ACAD9: variants seen among roughly 807,000 people sequenced by gnomAD.
The protein encoded by ACAD9 is acyl-CoA dehydrogenase family member 9.
In ACAD9, 53 loss-of-function variants were observed where a neutral mutation model predicts 70.2. That is an observed-to-expected ratio of 0.75 (90% CI 0.61 to 0.95). The LOEUF (loss-of-function observed/expected upper bound fraction) is 0.95. Among genes scored for constraint, ACAD9 ranks in the 40% least tolerant of loss-of-function variants. The probability of loss-of-function intolerance (pLI) is 0.00; values close to 1 mark genes in which losing one functional copy is unlikely to be tolerated. For synonymous variants in ACAD9, 313 were observed against 312.1 expected (o/e 1.00, Z -0.03); for missense variants, 777 against 802.8 (o/e 0.97, Z 0.39).
chr3:128,912,612 G>C lies in ACAD9; in HGVS notation c.*5G>C, dbSNP rs1936463556. The stretch of plus-strand genomic sequence containing the variant: ...CCTCTGGACAGGACATGCTGAGGCA[G>C]GGGACAGTGTCCCCTGCTACCGCCC... On this transcript the variant is annotated 3_prime_UTR_variant, in exon 18 of 18. Coordinates refer to ENST00000308982, the MANE Select transcript of ACAD9 (RefSeq NM_014049.5). The C allele has an allele frequency of 6.2e-7, 1 of 1,613,226 alleles. No homozygotes were observed. The highest frequency in any genetic ancestry group is 1.3e-5 in the African/African-American group (1 of 75,026).
At chr3:128,899,567 G>GTGTGT in intron 7 of ACAD9, 106 bp downstream of exon 7, 22 of 986,080 alleles carry the variant, frequency 2.2e-5, no homozygotes, top group South Asian at 5.7e-5. Flanking sequence ...TGTGTGTAAG[G>GTGTGT]GGGAGACTGG....
chr3:128,904,942 C>T (rs61096019), intron 11 of ACAD9, among the ~76,000 whole-genome samples: 20,603 of 151,962 alleles, frequency 0.14, 2,167 homozygotes, highest in African/African-American at 0.29. Context: ...GTCTGGAGTT[C>T]GAGACCAGCC....
intron 12 of ACAD9, among the ~76,000 whole-genome samples, chr3:128,907,961 G>C (rs1935942096): frequency 6.6e-6 from 1 of 152,208 alleles, no homozygotes; most frequent in Admixed American, 6.5e-5. Context: ...GTCACGGAGA[G>C]GTGGGGGGGT....
chr3:128,894,529 C>G (rs999452718), intron 3 of ACAD9, among the ~76,000 whole-genome samples: 2 of 148,660 alleles, frequency 1.3e-5, no homozygotes, highest in African/African-American at 4.9e-5. Context: ...CACAAGATTG[C>G]GAGCTTTTTT....
intron 16 of ACAD9, chr3:128,910,362 G>T: frequency 6.8e-7 from 1 of 1,462,912 alleles, no homozygotes; most frequent in Non-Finnish European, 9.0e-7. Context: ...AGTGACAGGG[G>T]TTCCTGATCC....
chr3:128,907,996 G>C (rs1185911987), intron 12 of ACAD9, among the ~76,000 whole-genome samples, 189 bp from the exon 13 acceptor site: 1 of 152,196 alleles, frequency 6.6e-6, no homozygotes. Flanking sequence ...ATGGCCATCT[G>C]GTCACCTCCC....
At chr3:128,893,721 A>G in intron 3 of ACAD9, 65 bp downstream of exon 3, 1 of 1,386,846 alleles carries the variant, frequency 7.2e-7, no homozygotes, top group Non-Finnish European at 1.0e-6. Context: ...ATTTGTCCAT[A>G]ACAGGTCTAG....
intron 1 of ACAD9, among the ~76,000 whole-genome samples, chr3:128,880,295 C>G (rs1163697725): frequency 3.9e-5 from 6 of 152,182 alleles, no homozygotes; most frequent in Admixed American, 3.9e-4. Flanking sequence ...AATCTGGCTC[C>G]AAGATGCTTC....
At chr3:128,880,927 T>G (rs1161692678) in intron 1 of ACAD9, among the ~76,000 whole-genome samples, 1 of 152,250 alleles carries the variant, frequency 6.6e-6, no homozygotes, top group African/African-American at 2.4e-5. Context: ...TCTTGCTCTT[T>G]CCTTTGTATT....
At chr3:128,911,794 T>G (rs1936359058) in intron 17 of ACAD9, among the ~76,000 whole-genome samples, 1 of 152,240 alleles carries the variant, frequency 6.6e-6, no homozygotes, top group Non-Finnish European at 1.5e-5. Flanking sequence ...GAGGAGCATC[T>G]GGTTGTACCT....
chr3:128,909,036 C>T lies in ACAD9; in HGVS notation c.1422C>T (p.Ser474=). The change falls in exon 14 of 18, where the codon TCC becomes TCT. Residue 474 remains serine (S), a synonymous_variant. Coordinates refer to ENST00000308982, the MANE Select transcript of ACAD9 (RefSeq NM_014049.5). Reference sequence around the variant, plus strand: ...CCGTTGGCCGGAGGCTTCGGGACTCCCTGGGCCGAACTGTGGACCTGGGGC... The same window carrying T: ...CCGTTGGCCGGAGGCTTCGGGACTCTCTGGGCCGAACTGTGGACCTGGGGC... ...MDTVGRRLRD[S]LGRTVDLGLT... is the part of the protein sequence containing the mutation. The T allele has an allele frequency of 1.2e-6, 2 of 1,614,140 alleles. No homozygotes were observed. The highest frequency in any genetic ancestry group is 1.7e-6 in the Non-Finnish European group (2 of 1,180,018).
chr3:128,887,666 T>TATATATGC (rs972436183), intron 2 of ACAD9, among the ~76,000 whole-genome samples: 5 of 139,884 alleles, frequency 3.6e-5, no homozygotes, highest in Non-Finnish European at 7.8e-5. Flanking sequence ...TATATATATA[T>TATATATGC]ATGCAAGAAA....
chr3:128,890,499 G>C (rs983278276), intron 2 of ACAD9, among the ~76,000 whole-genome samples: 11 of 151,800 alleles, frequency 7.2e-5, no homozygotes, highest in African/African-American at 2.7e-4. Flanking sequence ...TCAGGAGATC[G>C]ACACCATCCT....
intron 16 of ACAD9, 54 bp from the exon 17 acceptor site, chr3:128,910,687 A>C: frequency 6.2e-7 from 1 of 1,601,268 alleles, no homozygotes; most frequent in Non-Finnish European, 8.6e-7. Flanking sequence ...TTTGAAGCTC[A>C]GAGGTCTGAT....
At chr3:128,901,883 G>T (rs73862591) in intron 8 of ACAD9, among the ~76,000 whole-genome samples, 2,051 of 152,100 alleles carry the variant, frequency 0.013, 47 homozygotes, top group African/African-American at 0.047. Context: ...CCCATCCCTT[G>T]GCTGCTACTC....
rs769285333 is a variant in ACAD9 at position 128,896,428 on chromosome 3, T to G, written c.454-8T>G. 5.1e-5 allele frequency: 83 copies of G among 1,613,926 alleles called. No homozygotes were observed. The highest frequency in any genetic ancestry group is 6.9e-5 in the Non-Finnish European group (81 of 1,179,882). The stretch of plus-strand genomic sequence containing the variant: ...CAGCTGACATTAGTCTGTGTCTGTT[T>G]TGTTTAGGGGATCATCTTGGCTGGC... On this transcript the variant is annotated splice_polypyrimidine_tract_variant and splice_region_variant and intron_variant, in intron 4 of 17. Transcript: ENST00000308982.
At chr3:128,886,658 A>T (rs1935258193) in intron 2 of ACAD9, among the ~76,000 whole-genome samples, 1 of 120,952 alleles carries the variant, frequency 8.3e-6, no homozygotes, top group Non-Finnish European at 1.6e-5. Flanking sequence ...CGGTGAGCCG[A>T]GATCGCGCCA....
In ACAD9 at chr3:128,884,763, T is replaced by C; in HGVS notation, c.244+17T>C. 1 of 1,577,206 alleles carries C rather than the reference T, an allele frequency of 6.3e-7. No homozygotes were observed. Among genetic ancestry groups the C allele is most frequent in the Non-Finnish European group, 8.7e-7 (1 of 1,146,938 alleles). On this transcript the variant is annotated intron_variant, in intron 2 of 17. Transcript: ENST00000308982. ...CTGAAGAGGGTATGTATGGTTTTCT[T>C]TACCATTGCCGATTTCCATTGTAAG...
chr3:128,880,685 C>G (rs1935064702), intron 1 of ACAD9, among the ~76,000 whole-genome samples: 1 of 152,154 alleles, frequency 6.6e-6, no homozygotes, highest in South Asian at 2.1e-4. Flanking sequence ...CCGCGCCCGG[C>G]CAAGACTCAG....
Sources: allele counts gnomAD v4.1 joint callset (sites outside exome capture counted in the v4.1 genomes callset), GRCh38; gene constraint gnomAD v4.1.1; transcripts MANE v1.5; gene names NCBI Gene and HGNC (gene_info 2026-07-23, HGNC 2026-07-21).